The following EXOC4 variants were observed in gnomAD, a reference collection of about 807,000 sequenced individuals.
EXOC4 encodes SEC8-like 1.
Under a neutral mutation model 107.2 loss-of-function variants are expected in EXOC4, and 71 were observed. The observed-to-expected ratio is 0.66, with a 90% CI of 0.55 to 0.81. The LOEUF (loss-of-function observed/expected upper bound fraction) is 0.81. Ranked by LOEUF, EXOC4 falls within the 30% of genes least tolerant of loss-of-function variation. The pLI is 0.00. For missense variants in EXOC4, 1,108 were observed against 1,189.6 expected (o/e 0.93, Z 1.01); for synonymous variants, 456 against 441.2 (o/e 1.03, Z -0.42).
chr7:133,585,959 T>C (rs780300212), intron 9 of EXOC4, among the ~76,000 whole-genome samples: 1 of 152,122 alleles, frequency 6.6e-6, no homozygotes, highest in Non-Finnish European at 1.5e-5. Flanking sequence ...CCTCCCAGAG[T>C]GCTGGGATTA....
rs1030319237 is a variant in EXOC4 at position 133,603,139 on chromosome 7, T to G, written c.1418-26906T>G. ...TACATAATTTTACTCTTTCATCTGC[T>G]GGTCTTTTACCTTGGAAATTCTAGA... is the stretch of plus-strand genomic sequence containing the variant. On this transcript the variant is annotated intron_variant, in intron 9 of 17. Transcript: ENST00000253861. Among the ~76,000 whole-genome samples the G allele has an allele frequency of 5.9e-5, 9 of 152,318 alleles. 1 individual carries two copies. Among genetic ancestry groups the G allele is most frequent in the Admixed American group, 2.6e-4 (4 of 15,296 alleles).
At chr7:133,656,742 T>C (rs1016862711) in intron 10 of EXOC4, among the ~76,000 whole-genome samples, 3 of 152,326 alleles carry the variant, frequency 2.0e-5, no homozygotes, top group Admixed American at 6.5e-5. Context: ...TCTGACTTAC[T>C]ACGTATGATT....
intron 10 of EXOC4, among the ~76,000 whole-genome samples, chr7:133,809,503 T>G (rs1165207786): frequency 6.6e-6 from 1 of 152,192 alleles, no homozygotes; most frequent in African/African-American, 2.4e-5. Context: ...TCAGAGCTTC[T>G]CAGTAAGGAT....
At chr7:133,291,849 A>C (rs560296430) in intron 3 of EXOC4, among the ~76,000 whole-genome samples, 1 of 152,112 alleles carries the variant, frequency 6.6e-6, no homozygotes, top group Non-Finnish European at 1.5e-5. Flanking sequence ...CAGGCTGTTT[A>C]TTGAATCCTT....
At chr7:133,881,805 A>G (rs1235234958) in intron 11 of EXOC4, among the ~76,000 whole-genome samples, 3 of 152,224 alleles carry the variant, frequency 2.0e-5, no homozygotes, top group Non-Finnish European at 2.9e-5. Flanking sequence ...CAATACTGCT[A>G]TGTCTTCACA....
intron 10 of EXOC4, among the ~76,000 whole-genome samples, chr7:133,777,029 A>G (rs1465008084): frequency 5.9e-5 from 9 of 152,120 alleles, no homozygotes; most frequent in African/African-American, 2.2e-4. Flanking sequence ...TAAATACAGG[A>G]CCATTTGAGA....
intron 11 of EXOC4, among the ~76,000 whole-genome samples, chr7:133,837,918 G>A (rs1182066534): frequency 1.3e-5 from 2 of 152,178 alleles, no homozygotes; most frequent in Non-Finnish European, 2.9e-5. Context: ...ACTTTAAGAG[G>A]AAATGCTGTT....
At chr7:133,412,895 C>G (rs1797394949) in intron 7 of EXOC4, among the ~76,000 whole-genome samples, 1 of 151,986 alleles carries the variant, frequency 6.6e-6, no homozygotes, top group Non-Finnish European at 1.5e-5. Flanking sequence ...GGTTTAATGG[C>G]AAACCTCTCG....
At chr7:134,074,424 A>G in the EXOC4 span, among the ~76,000 whole-genome samples, 1 of 151,800 alleles carries the variant, frequency 6.6e-6, no homozygotes, top group Non-Finnish European at 1.5e-5. Flanking sequence ...GTAACCCTAT[A>G]GGGTGGCAGT....
intron 10 of EXOC4, among the ~76,000 whole-genome samples, chr7:133,763,695 C>G (rs1482304782): frequency 2.2e-4 from 6 of 27,232 alleles, no homozygotes; most frequent in Non-Finnish European, 2.6e-4. Context: ...AACACCTAGC[C>G]AAAAAGGAAA....
chr7:133,482,585 A>C (rs1474727803), intron 9 of EXOC4, among the ~76,000 whole-genome samples: 2 of 152,076 alleles, frequency 1.3e-5, no homozygotes, highest in Non-Finnish European at 2.9e-5. Context: ...TCTGGGCCCA[A>C]GTCACCTCCA....
chr7:133,318,942 G>A (rs1346683335), intron 5 of EXOC4, among the ~76,000 whole-genome samples: 1 of 152,160 alleles, frequency 6.6e-6, no homozygotes, highest in Non-Finnish European at 1.5e-5. Context: ...TCTTTCTGAT[G>A]TAATGTTGCT....
intron 10 of EXOC4, among the ~76,000 whole-genome samples, chr7:133,695,057 G>C (rs1794503131): frequency 6.6e-6 from 1 of 152,090 alleles, no homozygotes; most frequent in Non-Finnish European, 1.5e-5. Context: ...CCTGACCTCA[G>C]GTAATCGGCC....
chr7:133,371,720 G>A (rs1406708564), intron 6 of EXOC4, among the ~76,000 whole-genome samples: 4 of 152,268 alleles, frequency 2.6e-5, no homozygotes, highest in African/African-American at 7.2e-5. Context: ...TTGTGTGCAC[G>A]TATGTTTTCA....
intron 7 of EXOC4, among the ~76,000 whole-genome samples, chr7:133,471,728 G>GAA (rs1798884579): frequency 6.6e-6 from 1 of 152,006 alleles, no homozygotes; most frequent in African/African-American, 2.4e-5. Flanking sequence ...AAAAAGTTCA[G>GAA]CAATTTGTTG....
chr7:133,271,315 A>G (rs1293835402), intron 1 of EXOC4, among the ~76,000 whole-genome samples: 4 of 152,162 alleles, frequency 2.6e-5, no homozygotes, highest in Non-Finnish European at 4.4e-5. Flanking sequence ...CTGGTCTCAT[A>G]TTGCAGAAAA....
the EXOC4 span, among the ~76,000 whole-genome samples, chr7:134,073,613 A>G: frequency 2.6e-5 from 4 of 152,014 alleles, no homozygotes; most frequent in African/African-American, 9.7e-5. Context: ...ATGGATTTCT[A>G]ATAAGTTCAC....
At chr7:133,253,303 C>T in intron 1 of EXOC4, 116 bp downstream of exon 1, 19 of 1,438,942 alleles carry the variant, frequency 1.3e-5, no homozygotes, top group Non-Finnish European at 1.7e-5. Flanking sequence ...CCTTGCCTCC[C>T]GCAGCCCCTC....
At chr7:133,758,951 T>C (rs777828145) in intron 10 of EXOC4, among the ~76,000 whole-genome samples, 4 of 151,920 alleles carry the variant, frequency 2.6e-5, no homozygotes, top group Non-Finnish European at 4.4e-5. Context: ...AGGAAAAAAA[T>C]GCTGAAATTT....
Sources: allele counts gnomAD v4.1 joint callset (sites outside exome capture counted in the v4.1 genomes callset), GRCh38; gene constraint gnomAD v4.1.1; transcripts MANE v1.5; gene names NCBI Gene and HGNC (gene_info 2026-07-23, HGNC 2026-07-21).